The following TRIM44 variants were observed in gnomAD, a reference collection of about 807,000 sequenced individuals.
The protein encoded by TRIM44 is tripartite motif-containing protein 44.
Under a neutral mutation model 37.4 loss-of-function variants are expected in TRIM44, and 13 were observed. The observed-to-expected ratio is 0.35, with a 90% confidence interval of 0.23 to 0.55. The LOEUF is 0.55. TRIM44 is among the 20% of genes least tolerant of loss of function. The pLI, the probability that TRIM44 is intolerant of heterozygous loss-of-function variation, is 0.89. For missense variants in TRIM44, 426 were observed against 437.2 expected (o/e 0.97, Z 0.23); for synonymous variants, 175 against 157.2 (o/e 1.11, Z -0.85).
At chr11:35,686,778 G>A (rs1020517876) in intron 2 of TRIM44, among the ~76,000 whole-genome samples, 3 of 152,144 alleles carry the variant, frequency 2.0e-5, no homozygotes, top group South Asian at 4.2e-4. Flanking sequence ...GGCTGGTTTC[G>A]AACTCCTGAC....
intron 2 of TRIM44, among the ~76,000 whole-genome samples, chr11:35,721,366 C>T (rs1000633596): frequency 1.3e-5 from 2 of 152,136 alleles, no homozygotes; most frequent in Admixed American, 6.5e-5. Context: ...GTAATTCCAC[C>T]ATTCACAGAT....
rs1480136257 is a variant in TRIM44, at chr11:35,807,042, G to A, written c.*657G>A. The A allele has an allele frequency of 1.3e-5, 2 of 152,084 alleles. No homozygotes were observed. The highest frequency in any genetic ancestry group is 2.9e-5 in the Non-Finnish European group (2 of 68,022). 9.4% of individuals were successfully genotyped at this position (152,084 alleles called of 1,614,324 possible). A position where few individuals can be genotyped will look rare whatever the true frequency, so the allele number is the denominator to read the frequency against. ...TGTGGAAATGAAAAAAATGATTGAA[G>A]AGGTGGAACGGAAATGACCTTAGGG... On this transcript the variant is annotated 3_prime_UTR_variant, in exon 5 of 5. Transcript: ENST00000299413.
At chr11:35,768,072 C>G (rs1313713893) in intron 4 of TRIM44, among the ~76,000 whole-genome samples, 1 of 152,196 alleles carries the variant, frequency 6.6e-6, no homozygotes, top group Non-Finnish European at 1.5e-5. Context: ...GAGCACTGCC[C>G]AAGGCATAGC....
intron 4 of TRIM44, among the ~76,000 whole-genome samples, chr11:35,792,105 ACACACACTCT>A (rs1390050984): frequency 1.1e-4 from 10 of 89,386 alleles, no homozygotes; most frequent in East Asian, 3.4e-4. Context: ...ACACACACAC[ACACACACTCT>A]CTCTCATCAT....
At chr11:35,751,910 G>T (rs985824497) in intron 4 of TRIM44, among the ~76,000 whole-genome samples, 7 of 152,162 alleles carry the variant, frequency 4.6e-5, no homozygotes, top group African/African-American at 1.7e-4. Context: ...TTACATAGAT[G>T]AGGAAATTGA....
chr11:35,758,694 G>A (rs1241952719), intron 4 of TRIM44, among the ~76,000 whole-genome samples: 1 of 152,082 alleles, frequency 6.6e-6, no homozygotes, highest in Admixed American at 6.5e-5. Context: ...GGGCAGGCTT[G>A]TTGGTGACAA....
chr11:35,793,362 TAAAAATAC>T (rs991378239), intron 4 of TRIM44, among the ~76,000 whole-genome samples: 8 of 151,838 alleles, frequency 5.3e-5, no homozygotes, highest in Non-Finnish European at 7.4e-5. Context: ...CCGTCGCTAC[TAAAAATAC>T]AAAAATTAGC....
intron 4 of TRIM44, among the ~76,000 whole-genome samples, chr11:35,769,936 G>A (rs937795626): frequency 1.3e-5 from 2 of 152,168 alleles, no homozygotes; most frequent in Non-Finnish European, 2.9e-5. Flanking sequence ...TTAGGTTCAA[G>A]AGGTACACTT....
chr11:35,789,239 C>T (rs886150674), intron 4 of TRIM44, among the ~76,000 whole-genome samples: 1 of 152,058 alleles, frequency 6.6e-6, no homozygotes, highest in Non-Finnish European at 1.5e-5. Context: ...GCTAACTTCT[C>T]ATGTTAGGGT....
At chr11:35,788,990 A>G (rs1853165766) in intron 4 of TRIM44, among the ~76,000 whole-genome samples, 1 of 152,212 alleles carries the variant, frequency 6.6e-6, no homozygotes, top group South Asian at 2.1e-4. Flanking sequence ...GGCCCTAAAA[A>G]TAGTTTTTTT....
intron 1 of TRIM44, among the ~76,000 whole-genome samples, chr11:35,674,945 G>A (rs1851442602): frequency 6.6e-6 from 1 of 152,206 alleles, no homozygotes; most frequent in Non-Finnish European, 1.5e-5. Flanking sequence ...GGTAGGCCTT[G>A]AAAGATGGGT....
At chr11:35,727,077 G>C (rs1328928850) in intron 3 of TRIM44, among the ~76,000 whole-genome samples, 1 of 151,688 alleles carries the variant, frequency 6.6e-6, no homozygotes, top group African/African-American at 2.4e-5. Flanking sequence ...AAGATTACTT[G>C]AGCCCCGGAG....
At chr11:35,689,746 T>C (rs1266978624) in intron 2 of TRIM44, among the ~76,000 whole-genome samples, 2 of 152,218 alleles carry the variant, frequency 1.3e-5, no homozygotes, top group Admixed American at 6.5e-5. Context: ...TCTTTCACAG[T>C]TTACTCAGAG....
At chr11:35,689,658 T>TA (rs919136666) in intron 2 of TRIM44, among the ~76,000 whole-genome samples, 10 of 152,180 alleles carry the variant, frequency 6.6e-5, no homozygotes, top group African/African-American at 2.4e-4. Flanking sequence ...TGTGTGTCTG[T>TA]ACTTGGATTT....
intron 1 of TRIM44, among the ~76,000 whole-genome samples, chr11:35,667,476 C>G (rs1181538461): frequency 1.3e-5 from 2 of 152,152 alleles, no homozygotes; most frequent in East Asian, 3.8e-4. Flanking sequence ...CTTAAGCAAT[C>G]CTCCCACCTG....
rs546904881 is a variant in TRIM44 at position 35,666,887 on chromosome 11, G to A, written c.669+3107G>A. ...TACATATCCTAATAATTTATCTGTA[G>A]ATTTATTCTACATACCTGATTGTAT... is the stretch of plus-strand genomic sequence containing the variant. On this transcript the variant is annotated intron_variant, in intron 1 of 4. Coordinates refer to ENST00000299413, the MANE Select transcript of TRIM44 (RefSeq NM_017583.6). Among the ~76,000 whole-genome samples the A allele has an allele frequency of 2.0e-5, 3 of 152,128 alleles. No individual in the cohort carries two copies. In the South Asian group the frequency reaches 6.2e-4, roughly 32 times the overall value.
In TRIM44 at chr11:35,794,266, C is replaced by T. The variant is rs943824917; in HGVS notation, c.1008-12092C>T. Among the ~76,000 whole-genome samples, 17 of 152,324 alleles carry T rather than the reference C, an allele frequency of 1.1e-4. No homozygotes were observed. In the East Asian group the frequency reaches 1.9e-3, roughly 17 times the overall value. On this transcript the variant is annotated intron_variant, in intron 4 of 4. Transcript: ENST00000299413. ...CTGACTTGATATCATCCTCATCTCT[C>T]TCCCTTCATAGACTGTTAGGGTAAG...
intron 2 of TRIM44, among the ~76,000 whole-genome samples, chr11:35,703,313 T>C (rs765301997): frequency 1.3e-5 from 2 of 152,218 alleles, no homozygotes; most frequent in African/African-American, 4.8e-5. Flanking sequence ...CTCTGTAGGC[T>C]CCACCTGTGG....
intron 4 of TRIM44, among the ~76,000 whole-genome samples, chr11:35,769,348 G>A (rs1852836850): frequency 6.6e-6 from 1 of 152,162 alleles, no homozygotes; most frequent in Non-Finnish European, 1.5e-5. Context: ...AGGTCTGTTT[G>A]ACAAGAGCCA....
Sources: allele counts gnomAD v4.1 joint callset (sites outside exome capture counted in the v4.1 genomes callset), GRCh38; gene constraint gnomAD v4.1.1; transcripts MANE v1.5; gene names NCBI Gene and HGNC (gene_info 2026-07-23, HGNC 2026-07-21).